TMEM178B: variants seen among roughly 807,000 people sequenced by gnomAD.
TMEM178B encodes the protein transmembrane protein 178B.
Under a neutral mutation model 31.0 loss-of-function variants are expected in TMEM178B, and 5 were observed. The ratio of observed to expected loss-of-function variants is 0.16; its 90% CI spans 0.08 to 0.34. The LOEUF is 0.34. Among genes scored for constraint, TMEM178B ranks in the 10% least tolerant of loss-of-function variants. TMEM178B has a pLI of 1.00. For synonymous variants in TMEM178B, 164 were observed against 164.0 expected (o/e 1.00, Z 0.00); for missense variants, 275 against 400.3 (o/e 0.69, Z 2.67).
intron 2 of TMEM178B, among the ~76,000 whole-genome samples, chr7:141,436,541 G>A (rs968700493): frequency 3.9e-5 from 6 of 152,126 alleles, no homozygotes; most frequent in Non-Finnish European, 7.4e-5. Context: ...GGGTGTTGGT[G>A]AAGGGTAGAG....
At chr7:141,367,602 A>G (rs778996172) in intron 2 of TMEM178B, among the ~76,000 whole-genome samples, 5 of 152,184 alleles carry the variant, frequency 3.3e-5, no homozygotes, top group Non-Finnish European at 7.3e-5. Flanking sequence ...GGACCCAGGC[A>G]TGATGCTGGG....
chr7:141,345,048 A>G (rs1304891936), intron 2 of TMEM178B, among the ~76,000 whole-genome samples: 1 of 152,246 alleles, frequency 6.6e-6, no homozygotes, highest in African/African-American at 2.4e-5. Context: ...TCGCATACAA[A>G]TATGTCATGA....
chr7:141,215,763 G>C (rs1797122124), intron 2 of TMEM178B, among the ~76,000 whole-genome samples: 2 of 151,202 alleles, frequency 1.3e-5, no homozygotes, highest in South Asian at 4.2e-4. Context: ...GGTTAAATTT[G>C]AATTATATAC....
chr7:141,337,861 G>A (rs946890457), intron 2 of TMEM178B, among the ~76,000 whole-genome samples: 11 of 150,982 alleles, frequency 7.3e-5, no homozygotes, highest in African/African-American at 2.4e-4. Flanking sequence ...TTTTTGAGAC[G>A]GAGTCTCGCT....
intron 2 of TMEM178B, among the ~76,000 whole-genome samples, chr7:141,336,337 C>T (rs919630781): frequency 1.3e-5 from 2 of 152,104 alleles, no homozygotes; most frequent in Non-Finnish European, 2.9e-5. Flanking sequence ...GTGTCTACAT[C>T]CCTGCCCGCC....
intron 2 of TMEM178B, among the ~76,000 whole-genome samples, chr7:141,285,285 G>A (rs962983373): frequency 1.3e-5 from 2 of 150,348 alleles, no homozygotes; most frequent in Non-Finnish European, 3.0e-5. Context: ...CGAGTAGCTG[G>A]GACTAGAGGT....
intron 2 of TMEM178B, among the ~76,000 whole-genome samples, chr7:141,223,479 C>CTTTTTTTTTTTTTTTTTTTTTT (rs10680431): frequency 5.3e-5 from 7 of 131,144 alleles, no homozygotes; most frequent in African/African-American, 2.1e-4. Flanking sequence ...TGTTTTCACT[C>CTTTTTTTTTTTTTTTTTTTTTT]TTTTTTTTTT....
intron 1 of TMEM178B, among the ~76,000 whole-genome samples, chr7:141,126,158 G>C (rs933621236): frequency 4.7e-5 from 7 of 147,412 alleles, no homozygotes; most frequent in African/African-American, 1.5e-4. Flanking sequence ...TTGGGGTGGA[G>C]GAAGAAGACA....
intron 2 of TMEM178B, among the ~76,000 whole-genome samples, chr7:141,216,313 C>T (rs766030014): frequency 4.6e-5 from 7 of 152,090 alleles, no homozygotes; most frequent in East Asian, 3.9e-4. Flanking sequence ...ACCTTATGGT[C>T]GGGTGACTAG....
At chr7:141,229,013 C>CT (rs3035763) in intron 2 of TMEM178B, among the ~76,000 whole-genome samples, 51 of 80,564 alleles carry the variant, frequency 6.3e-4, no homozygotes, top group South Asian at 1.7e-3. Flanking sequence ...TCAGTACTAT[C>CT]TTTTTTTTTT....
intron 2 of TMEM178B, among the ~76,000 whole-genome samples, chr7:141,216,446 T>TGTGTGTGTGTGC (rs1563120695): frequency 1.9e-5 from 1 of 53,424 alleles, no homozygotes; most frequent in African/African-American, 4.5e-5. Context: ...TGTGTGTGTG[T>TGTGTGTGTGTGC]GTGCGCGCGC....
the TMEM178B span, among the ~76,000 whole-genome samples, chr7:141,492,070 A>G: frequency 8.5e-5 from 13 of 152,248 alleles, no homozygotes; most frequent in African/African-American, 2.9e-4. Context: ...TCAAGGCCCT[A>G]TTTCTTCTGA....
chr7:141,238,295 A>G (rs1797561673), intron 2 of TMEM178B, among the ~76,000 whole-genome samples: 1 of 152,178 alleles, frequency 6.6e-6, no homozygotes, highest in African/African-American at 2.4e-5. Context: ...CTATGGAGAA[A>G]AAGGGGCAGC....
At chr7:141,228,057 C>CAT (rs1216717987) in intron 2 of TMEM178B, among the ~76,000 whole-genome samples, 1 of 152,162 alleles carries the variant, frequency 6.6e-6, no homozygotes, top group Non-Finnish European at 1.5e-5. Flanking sequence ...CACACACACA[C>CAT]ATGCACACAC....
At chr7:141,103,172 C>G (rs1212632073) in intron 1 of TMEM178B, among the ~76,000 whole-genome samples, 1 of 152,160 alleles carries the variant, frequency 6.6e-6, no homozygotes. Flanking sequence ...AATTATTGCT[C>G]CCCAGGTGGG....
intron 2 of TMEM178B, among the ~76,000 whole-genome samples, chr7:141,296,419 G>A (rs148759305): frequency 6.6e-6 from 1 of 152,238 alleles, no homozygotes; most frequent in African/African-American, 2.4e-5. Context: ...GGGAAAGAGG[G>A]TTTGTGTGGA....
chr7:141,163,872 T>C lies in TMEM178B; in HGVS notation c.383-48719T>C, dbSNP rs1380690826. Reference sequence around the variant, plus strand: ...AATGCAAAGGTATAGATATTTGAAATAATCATTTATACATAGATAGTGAAC... The same window carrying C: ...AATGCAAAGGTATAGATATTTGAAACAATCATTTATACATAGATAGTGAAC... On this transcript the variant is annotated intron_variant, in intron 1 of 3. Coordinates refer to ENST00000565468, the MANE Select transcript of TMEM178B (RefSeq NM_001195278.2). 3.3e-5 allele frequency among the ~76,000 whole-genome samples: 5 copies of C among 152,318 alleles called. No individual in the cohort carries two copies. In the South Asian group the frequency reaches 1.0e-3, roughly 32 times the overall value.
chr7:141,377,769 C>A (rs1397158874), intron 2 of TMEM178B, among the ~76,000 whole-genome samples: 2 of 151,796 alleles, frequency 1.3e-5, no homozygotes, highest in African/African-American at 2.4e-5. Context: ...TCTACTGGTT[C>A]TTTTGGAAGT....
intron 2 of TMEM178B, among the ~76,000 whole-genome samples, chr7:141,380,053 C>CCT (rs1383798935): frequency 4.6e-5 from 7 of 152,148 alleles, no homozygotes; most frequent in Non-Finnish European, 1.0e-4. Flanking sequence ...AGCTCACCAC[C>CCT]CTCTACCCAT....
Sources: allele counts gnomAD v4.1 joint callset (sites outside exome capture counted in the v4.1 genomes callset), GRCh38; gene constraint gnomAD v4.1.1; transcripts MANE v1.5; gene names NCBI Gene and HGNC (gene_info 2026-07-23, HGNC 2026-07-21).